The following NRXN3 variants were observed in gnomAD, a reference collection of about 807,000 sequenced individuals.
NRXN3 encodes the protein neurexin III.
A neutral mutation model predicts 137.6 loss-of-function variants in NRXN3; 32 were observed. The observed-to-expected ratio is 0.23, with a 90% CI of 0.18 to 0.31. The LOEUF is 0.31. NRXN3 is among the 10% of genes least tolerant of loss of function. The probability of loss-of-function intolerance (pLI) is 1.00; values close to 1 mark genes in which losing one functional copy is unlikely to be tolerated. For synonymous variants in NRXN3, 798 were observed against 784.5 expected (o/e 1.02, Z -0.29); for missense variants, 1,574 against 2,062.5 (o/e 0.76, Z 4.59).
chr14:79,245,987 G>A (rs572918699), intron 15 of NRXN3, among the ~76,000 whole-genome samples: 1 of 152,216 alleles, frequency 6.6e-6, no homozygotes, highest in South Asian at 2.1e-4. Flanking sequence ...CATTTCTATT[G>A]GAAAGTGATG....
chr14:78,962,225 A>G (rs754230543), intron 11 of NRXN3, among the ~76,000 whole-genome samples: 7 of 152,200 alleles, frequency 4.6e-5, no homozygotes, highest in Non-Finnish European at 8.8e-5. Context: ...TCTTGATCAA[A>G]CTGCTTAACC....
intron 8 of NRXN3, 114 bp from the exon 9 acceptor site, chr14:78,803,506 G>C: frequency 1.1e-6 from 1 of 917,112 alleles, no homozygotes; most frequent in Non-Finnish European, 1.8e-6. Flanking sequence ...TCAAACACAA[G>C]TCACTAGGCT....
chr14:78,937,874 A>G (rs985881399), intron 10 of NRXN3, among the ~76,000 whole-genome samples: 3 of 152,246 alleles, frequency 2.0e-5, no homozygotes, highest in African/African-American at 7.2e-5. Flanking sequence ...AAGTGACCCA[A>G]TGCTGGCCTT....
intron 4 of NRXN3, among the ~76,000 whole-genome samples, chr14:78,343,079 C>A (rs1043739815): frequency 6.6e-6 from 1 of 152,290 alleles, no homozygotes; most frequent in African/African-American, 2.4e-5. Context: ...CACCCTAGAT[C>A]TACTGAATCA....
intron 15 of NRXN3, among the ~76,000 whole-genome samples, chr14:79,335,733 T>C (rs1264149338): frequency 2.0e-5 from 3 of 152,096 alleles, no homozygotes; most frequent in Non-Finnish European, 1.5e-5. Context: ...GGCTCTACTT[T>C]TATTATTTTC....
At chr14:79,569,081 A>T (rs543600423) in intron 16 of NRXN3, among the ~76,000 whole-genome samples, 35 of 152,128 alleles carry the variant, frequency 2.3e-4, no homozygotes, top group Middle Eastern at 3.4e-3. Context: ...GTCAGGCAAG[A>T]TTTTGAAGTC....
intron 16 of NRXN3, among the ~76,000 whole-genome samples, chr14:79,637,726 G>GTTTTTTTTTTTTTTTTTTTTT (rs1447669099): frequency 2.2e-5 from 2 of 92,996 alleles, no homozygotes; most frequent in African/African-American, 1.7e-4. Flanking sequence ...ATATAGAAAA[G>GTTTTTTTTTTTTTTTTTTTTT]TTCTTTTTTT....
At chr14:78,883,164 A>T (rs938050902) in intron 10 of NRXN3, among the ~76,000 whole-genome samples, 2 of 152,180 alleles carry the variant, frequency 1.3e-5, no homozygotes, top group Non-Finnish European at 2.9e-5. Context: ...TAAATTACCC[A>T]GTCTCAGGTA....
intron 4 of NRXN3, among the ~76,000 whole-genome samples, chr14:78,457,616 G>A (rs1207187993): frequency 6.6e-6 from 1 of 152,186 alleles, no homozygotes; most frequent in East Asian, 1.9e-4. Context: ...GGATTGTTAA[G>A]TCAGAAACTG....
chr14:79,827,485 T>A (rs1421088996), intron 20 of NRXN3, among the ~76,000 whole-genome samples: 2 of 152,168 alleles, frequency 1.3e-5, no homozygotes, highest in African/African-American at 4.8e-5. Flanking sequence ...TAGGCTATTC[T>A]TGCATTGCTA....
At chr14:78,803,123 G>A (rs2098844484) in intron 8 of NRXN3, among the ~76,000 whole-genome samples, 1 of 152,206 alleles carries the variant, frequency 6.6e-6, no homozygotes, top group East Asian at 1.9e-4. Flanking sequence ...TATGATGCCA[G>A]ACCATGCTGC....
intron 16 of NRXN3, among the ~76,000 whole-genome samples, chr14:79,544,722 T>C (rs192331846): frequency 4.9e-4 from 74 of 152,306 alleles, no homozygotes; most frequent in African/African-American, 1.7e-3. Context: ...CCAAGAATCA[T>C]TGCTTAGATG....
At chr14:79,315,073 A>G (rs2088241525) in intron 15 of NRXN3, among the ~76,000 whole-genome samples, 1 of 152,164 alleles carries the variant, frequency 6.6e-6, no homozygotes, top group Non-Finnish European at 1.5e-5. Context: ...GTTACGATGG[A>G]ATTCCCAGGT....
At chr14:78,869,788 G>A (rs534547525) in intron 10 of NRXN3, among the ~76,000 whole-genome samples, 3 of 152,042 alleles carry the variant, frequency 2.0e-5, no homozygotes, top group Non-Finnish European at 4.4e-5. Flanking sequence ...ATTATAGAAG[G>A]ACAATTGTTA....
intron 8 of NRXN3, among the ~76,000 whole-genome samples, chr14:78,733,408 A>G (rs2098526168): frequency 1.3e-5 from 2 of 152,140 alleles, no homozygotes; most frequent in Admixed American, 6.5e-5. Context: ...ACAGTCAAAC[A>G]TTTCCTCTAG....
intron 15 of NRXN3, among the ~76,000 whole-genome samples, chr14:78,996,981 T>C (rs1441215065): frequency 6.6e-6 from 1 of 152,136 alleles, no homozygotes; most frequent in East Asian, 1.9e-4. Context: ...TTGTTGCCCA[T>C]GGGAATCACA....
At chr14:79,020,501 G>C (rs1244895795) in intron 15 of NRXN3, among the ~76,000 whole-genome samples, 7 of 150,096 alleles carry the variant, frequency 4.7e-5, no homozygotes, top group African/African-American at 1.7e-4. Context: ...TCAACCTCAG[G>C]TGATCCACCT....
At chr14:79,596,712 A>T (rs1321462551) in intron 16 of NRXN3, among the ~76,000 whole-genome samples, 1 of 151,846 alleles carries the variant, frequency 6.6e-6, no homozygotes, top group Non-Finnish European at 1.5e-5. Flanking sequence ...AAGGGAAGTT[A>T]TCCTGGGGCT....
chr14:79,834,103 A>G (rs964469097), intron 20 of NRXN3, among the ~76,000 whole-genome samples: 3 of 152,180 alleles, frequency 2.0e-5, no homozygotes, highest in Non-Finnish European at 4.4e-5. Flanking sequence ...GAAAACAACT[A>G]TATAGACAGA....
Sources: gnomAD v4.1 joint callset for allele counts (sites outside exome capture counted in the v4.1 genomes callset) on GRCh38, gnomAD v4.1.1 for gene constraint, MANE v1.5 for transcripts, NCBI Gene and HGNC (gene_info 2026-07-23, HGNC 2026-07-21) for gene names.